FAM228B: variants seen among roughly 807,000 people sequenced by gnomAD.
The protein encoded by FAM228B is family with sequence similarity 228 member B, also known as protein FAM228B.
A neutral mutation model predicts 42.6 loss-of-function variants in FAM228B; 38 were observed. That is an observed-to-expected ratio of 0.89 (90% CI 0.69 to 1.17). The LOEUF is 1.17. Ranked by LOEUF, FAM228B falls within the 50% of genes most tolerant of loss-of-function variation. FAM228B has a pLI of 0.00. For synonymous variants in FAM228B, 109 were observed against 122.3 expected (o/e 0.89, Z 0.72); for missense variants, 344 against 367.3 (o/e 0.94, Z 0.52).
At chr2:24,125,921 A>C (rs117341989) in intron 2 of FAM228B, among the ~76,000 whole-genome samples, 3,049 of 152,276 alleles carry the variant, frequency 0.02, 32 homozygotes, top group South Asian at 0.045. Context: ...ATGGAATCTT[A>C]CAGTATATAT....
rs1209249628 is a variant in FAM228B at position 24,167,678 on chromosome 2, AGGG to A, written c.*10_*12del. 1 of 1,551,396 alleles carries A rather than the reference AGGG, an allele frequency of 6.4e-7. No individual in the cohort carries two copies. Among genetic ancestry groups the A allele is most frequent in the South Asian group, 1.2e-5 (1 of 84,064 alleles). Reference sequence around the variant, plus strand: ...TGAAGCTGGAGCTATAAGAAAGAAGAGGGAGGTAGATGTCTTCTCTCTTTCCCT... The same window carrying A: ...TGAAGCTGGAGCTATAAGAAAGAAGAAGGTAGATGTCTTCTCTCTTTCCCT... On this transcript the variant is annotated splice_region_variant and 3_prime_UTR_variant, in exon 10 of 11. Coordinates refer to ENST00000615575, the MANE Select transcript of FAM228B (RefSeq NM_001145710.2).
Position 24,084,152 on chromosome 2 carries a change from A to G in FAM228B, c.-210+3197A>G, listed in dbSNP as rs1255424638. ...AGTGCTGTTGAGAGGGAGGCTCTGG[A>G]GTCCCGCCCGCCCCGGCGCGGCTGA... On this transcript the variant is annotated intron_variant, in intron 2 of 10. Transcript: ENST00000613899. The surrounding 1 kb of genome is among the most constrained non-coding windows in gnomAD (Gnocchi z 8.4). The G allele has an allele frequency of 6.3e-7, 1 of 1,584,282 alleles. No individual in the cohort carries two copies. Among genetic ancestry groups the G allele is most frequent in the Non-Finnish European group, 8.6e-7 (1 of 1,168,214 alleles).
At position 24,080,941 on chromosome 2, in the gene FAM228B, G is replaced by C; in HGVS notation, c.-224G>C. 1 of 1,614,176 alleles carries C rather than the reference G, an allele frequency of 6.2e-7. No homozygotes were observed. Among genetic ancestry groups the C allele is most frequent in the Non-Finnish European group, 8.5e-7 (1 of 1,180,038 alleles). On this transcript the variant is annotated 5_prime_UTR_variant, in exon 2 of 11. Transcript: ENST00000613899. This position sits in a 1 kb window ranked among gnomAD's most constrained non-coding sequence, Gnocchi z 4.7. ...GGAGCCAGCTGTGACCAGAGGAATA[G>C]CTCCAGCCATCCGGGTGAGTTGGAT... is the stretch of plus-strand genomic sequence containing the variant.
intron 5 of FAM228B, among the ~76,000 whole-genome samples, chr2:24,140,004 T>C (rs1167084148): frequency 1.3e-5 from 2 of 152,210 alleles, no homozygotes; most frequent in African/African-American, 4.8e-5. Flanking sequence ...CTGTTACTAA[T>C]AGCAGAATTA....
intron 5 of FAM228B, among the ~76,000 whole-genome samples, chr2:24,141,061 C>T (rs1477390272): frequency 6.6e-6 from 1 of 151,056 alleles, no homozygotes; most frequent in African/African-American, 2.4e-5. Context: ...AATAAGGTTT[C>T]TTGCACATAT....
chr2:24,154,200 G>A (rs1437706316), intron 7 of FAM228B, among the ~76,000 whole-genome samples: 2 of 152,226 alleles, frequency 1.3e-5, no homozygotes, highest in East Asian at 3.8e-4. Context: ...TTTGGTGATG[G>A]TGCTTTTCTG....
intron 1 of FAM228B, among the ~76,000 whole-genome samples, chr2:24,079,870 G>C (rs1465985182): frequency 6.6e-6 from 1 of 152,096 alleles, no homozygotes; most frequent in Non-Finnish European, 1.5e-5. Context: ...GAGGGAAATG[G>C]GGCACCATGA....
At chr2:24,144,275 CA>C (rs571499460) in intron 5 of FAM228B, among the ~76,000 whole-genome samples, 13 of 151,474 alleles carry the variant, frequency 8.6e-5, no homozygotes, top group African/African-American at 3.2e-4. Flanking sequence ...CCTGTCTCTA[CA>C]AAAAAAATTA....
chr2:24,106,723 A>G (rs1665706501), intron 3 of FAM228B, among the ~76,000 whole-genome samples: 1 of 152,110 alleles, frequency 6.6e-6, no homozygotes, highest in Admixed American at 6.5e-5. Flanking sequence ...CGACAAGCAA[A>G]TGCTGAGGGG....
intron 7 of FAM228B, among the ~76,000 whole-genome samples, chr2:24,147,417 T>A (rs1666923276): frequency 6.6e-6 from 1 of 152,098 alleles, no homozygotes; most frequent in Non-Finnish European, 1.5e-5. Flanking sequence ...GTTTTATGTC[T>A]TTTATTATTT....
rs915256047 is a variant in FAM228B, at chr2:24,077,771, G to A, written c.-290+802G>A. 1 of 1,609,116 alleles carries A rather than the reference G, an allele frequency of 6.2e-7. No individual in the cohort carries two copies. The highest frequency in any genetic ancestry group is 1.1e-5 in the South Asian group (1 of 90,526). On this transcript the variant is annotated intron_variant, in intron 1 of 10. Coordinates refer to the FAM228B transcript ENST00000613899. The surrounding 1 kb of genome is among the most constrained non-coding windows in gnomAD (Gnocchi z 5.5). ...CCAGCATTTGCTTGTACTAAGACAAGGGAAAGGAGATCATCAGCCTGGGGA... is the reference window on the plus strand; with the variant it reads ...CCAGCATTTGCTTGTACTAAGACAAAGGAAAGGAGATCATCAGCCTGGGGA...
intron 7 of FAM228B, among the ~76,000 whole-genome samples, chr2:24,152,759 A>G (rs936723698): frequency 2.0e-5 from 3 of 152,176 alleles, no homozygotes; most frequent in Non-Finnish European, 2.9e-5. Context: ...AGTCTTGCAC[A>G]AGGCCCTTCC....
At chr2:24,166,054 A>AAATATATATATATATATATATATAT (rs56146407) in intron 9 of FAM228B, 163 of 81,000 alleles carry the variant, frequency 2.0e-3, no homozygotes, top group Middle Eastern at 7.9e-3. Context: ...AAAAAAAAAA[A>AAATATATATATATATATATATATAT]ATATATATAT....
In FAM228B at chr2:24,161,498, T is replaced by TGTTAAAG; in HGVS notation, c.689_695dup. ...AAAAACCTTCTCACACTTGTTATCTTGTTAAAGGTTAAAGGTGAAAGTGAA... is the reference window on the plus strand; with the variant it reads ...AAAAACCTTCTCACACTTGTTATCTTGTTAAAGGTTAAAGGTTAAAGGTGAAAGTGAA... On this transcript the variant is annotated splice_polypyrimidine_tract_variant and splice_region_variant and intron_variant, in intron 7 of 10. Transcript: ENST00000615575. The TGTTAAAG allele has an allele frequency of 6.9e-7, 1 of 1,442,202 alleles. No homozygotes were observed. Among genetic ancestry groups the TGTTAAAG allele is most frequent in the Non-Finnish European group, 9.5e-7 (1 of 1,052,818 alleles). The allele number at this position is 1,442,202 out of a possible 1,614,324, so 89.3% of individuals were successfully genotyped here. A position where few individuals can be genotyped will look rare whatever the true frequency, so the allele number is the denominator to read the frequency against.
rs1667349934 is a variant in FAM228B at position 24,164,400 on chromosome 2, G to A, written c.932+65G>A. 2.6e-5 allele frequency: 38 copies of A among 1,481,866 alleles called. No homozygotes were observed. In the South Asian group the frequency reaches 4.8e-4, roughly 19 times the overall value. The allele number at this position is 1,481,866 out of a possible 1,614,324, so 91.8% of individuals were successfully genotyped here. On this transcript the variant is annotated intron_variant, in intron 9 of 10. Transcript: ENST00000615575. Reference sequence around the variant, plus strand: ...GGCAATCGCTGATACCAAAATCTGAGCACCTGGGAACTTTCTTTGTATGGC... The same window carrying A: ...GGCAATCGCTGATACCAAAATCTGAACACCTGGGAACTTTCTTTGTATGGC...
In FAM228B at chr2:24,147,003, T is replaced by C; in HGVS notation, c.603T>C (p.Ser201=). ...VQLHSRFPQI[S]NSRHFITPNE... ...TGCATTCCAGATTCCCACAAATTTC[T>C]AATTCAAGGCACTTTATAACTCCAA... The change falls in exon 7 of 11, where the codon TCT becomes TCC. Residue 201 remains serine, a synonymous_variant. Coordinates refer to ENST00000615575, the MANE Select transcript of FAM228B (RefSeq NM_001145710.2). The C allele has an allele frequency of 6.4e-7, 1 of 1,551,454 alleles. No individual in the cohort carries two copies. The highest frequency in any genetic ancestry group is 8.7e-7 in the Non-Finnish European group (1 of 1,146,820).
chr2:24,149,467 T>C (rs868100469), intron 7 of FAM228B, among the ~76,000 whole-genome samples: 2 of 152,206 alleles, frequency 1.3e-5, no homozygotes, highest in Non-Finnish European at 2.9e-5. Context: ...TCTTCTTCTT[T>C]TTTTGAGACA....
chr2:24,113,460 C>G (rs1033478492), intron 3 of FAM228B, among the ~76,000 whole-genome samples: 6 of 152,140 alleles, frequency 3.9e-5, no homozygotes, highest in Non-Finnish European at 4.4e-5. Flanking sequence ...ACCCTAGCTA[C>G]TCGGGAGGCT....
upstream of FAM228B, among the ~76,000 whole-genome samples, chr2:24,119,075 G>A (rs988479404): frequency 4.6e-5 from 7 of 152,066 alleles, no homozygotes; most frequent in Admixed American, 4.6e-4. Flanking sequence ...TACCAACAAA[G>A]TGGCTGCCTG....
Sources: gnomAD v4.1 joint callset for allele counts (sites outside exome capture counted in the v4.1 genomes callset) on GRCh38, gnomAD v4.1.1 for gene constraint, Gnocchi (gnomAD v3.1) non-coding constraint, MANE v1.5 for transcripts, NCBI Gene and HGNC (gene_info 2026-07-23, HGNC 2026-07-21) for gene names.